The following AGFG1 variants were observed in gnomAD, a reference collection of about 807,000 sequenced individuals.
AGFG1 encodes arf-GAP domain and FG repeat-containing protein 1.
A neutral mutation model predicts 60.6 loss-of-function variants in AGFG1; 10 were observed. That is an observed-to-expected ratio of 0.16 (90% CI 0.10 to 0.28). The LOEUF is 0.28. Among genes scored for constraint, AGFG1 ranks in the 10% least tolerant of loss-of-function variants. The pLI, the probability that AGFG1 is intolerant of heterozygous loss-of-function variation, is 1.00. For synonymous variants in AGFG1, 247 were observed against 242.9 expected, an observed-to-expected ratio of 1.02 and a Z score of -0.16; for missense variants, 537 against 676.5, an observed-to-expected ratio of 0.79 and a Z score of 2.29.
At chr2:227,537,816 A>G (rs752553200) in intron 10 of AGFG1, among the ~76,000 whole-genome samples, 5 of 152,214 alleles carry the variant, frequency 3.3e-5, no homozygotes, top group Non-Finnish European at 4.4e-5. Flanking sequence ...AAATGTTGAT[A>G]TGAACTCTTG....
In AGFG1 at chr2:227,500,915, C is replaced by G. The variant is rs542005300; in HGVS notation, c.261+9275C>G. 2.6e-4 allele frequency among the ~76,000 whole-genome samples: 39 copies of G among 152,194 alleles called. 1 individual carries two copies. In the East Asian group the frequency reaches 5.6e-3, roughly 22 times the overall value. ...TCAAGTGATTCTCCTGCCTTAGCCT[C>G]CTGAGTAGCTGGGATTACAGGCGCT... On this transcript the variant is annotated intron_variant, in intron 2 of 12. Transcript: ENST00000310078.
At chr2:227,548,633 G>A (rs1321072966) in intron 10 of AGFG1, among the ~76,000 whole-genome samples, 2 of 152,192 alleles carry the variant, frequency 1.3e-5, no homozygotes, top group African/African-American at 4.8e-5. Flanking sequence ...AGCCTGTAAA[G>A]TGCTTTAAGA....
At chr2:227,554,406 T>G in intron 12 of AGFG1, 30 bp from the exon 13 acceptor site, 1 of 1,588,610 alleles carries the variant, frequency 6.3e-7, no homozygotes, top group Non-Finnish European at 8.6e-7. Flanking sequence ...CTTTTGTCTC[T>G]TTATTTATTT....
At chr2:227,534,520 A>G (rs1692252607) in intron 7 of AGFG1, among the ~76,000 whole-genome samples, 1 of 152,218 alleles carries the variant, frequency 6.6e-6, no homozygotes, top group Non-Finnish European at 1.5e-5. Flanking sequence ...ATGAATTTAT[A>G]TGTTCATGTG....
At chr2:227,516,409 T>C (rs916323494) in intron 2 of AGFG1, among the ~76,000 whole-genome samples, 24 of 152,308 alleles carry the variant, frequency 1.6e-4, no homozygotes, top group African/African-American at 5.5e-4. Context: ...GGTTAGGATT[T>C]TGATCTATAA....
rs1690948861 is a variant in AGFG1, at chr2:227,495,587, C to G, written c.261+3947C>G. ...AAATCTATAGTGATTTTCTGTATGT[C>G]CTCATTTGTGATGTCATGGGCAAAT... On this transcript the variant is annotated intron_variant, in intron 2 of 12. Coordinates refer to ENST00000310078, the MANE Select transcript of AGFG1 (RefSeq NM_004504.5). Among the ~76,000 whole-genome samples, 4 of 151,258 alleles carry G rather than the reference C, an allele frequency of 2.6e-5. No homozygotes were observed. The South Asian group carries it at 8.4e-4, about 32-fold the overall frequency.
At chr2:227,507,000 C>T (rs1442264462) in intron 2 of AGFG1, among the ~76,000 whole-genome samples, 3 of 151,956 alleles carry the variant, frequency 2.0e-5, no homozygotes, top group Non-Finnish European at 4.4e-5. Context: ...TTTTTTTAAT[C>T]AAAAACCACT....
At chr2:227,539,578 G>A (rs1309313520) in intron 10 of AGFG1, among the ~76,000 whole-genome samples, 3 of 151,452 alleles carry the variant, frequency 2.0e-5, no homozygotes, top group African/African-American at 4.9e-5. Flanking sequence ...GCAACATGGC[G>A]AACCCCGTTT....
chr2:227,491,567 A>G lies in AGFG1; in HGVS notation c.188A>G (p.His63Arg). The change falls in exon 2 of 13, where the codon CAC becomes CGC. Residue 63 changes from histidine (H) to arginine (R), a missense_variant. Physicochemically the swap from His to Arg is conservative, Grantham distance 29. Around this residue, in one of 4 missense-constraint regions of AGFG1, gnomAD observed 120 missense variants for 198.5 expected, o/e 0.60. Coordinates refer to ENST00000310078, the MANE Select transcript of AGFG1 (RefSeq NM_004504.5). The stretch of plus-strand genomic sequence containing the variant: ...TTTAGGCGAGGATTAAATCCACCAC[A>G]CAGGGTGAAATCTATCTCCATGACA... ...SGSLRGLNPP[H>R]RVKSISMTTF... The G allele has an allele frequency of 6.4e-7, 1 of 1,561,694 alleles. No individual in the cohort carries two copies.
chr2:227,533,251 A>G (rs1692214983), intron 6 of AGFG1, among the ~76,000 whole-genome samples: 1 of 150,518 alleles, frequency 6.6e-6, no homozygotes, highest in South Asian at 2.1e-4. Flanking sequence ...TGGACTAGAA[A>G]GTAACTGAAT....
intron 2 of AGFG1, among the ~76,000 whole-genome samples, chr2:227,497,584 TG>T (rs780091003): frequency 6.6e-6 from 1 of 152,104 alleles, no homozygotes; most frequent in Non-Finnish European, 1.5e-5. Flanking sequence ...AAATTTTTTT[TG>T]TTATTGCTCT....
chr2:227,501,872 T>A (rs761925640), intron 2 of AGFG1, among the ~76,000 whole-genome samples: 4 of 152,070 alleles, frequency 2.6e-5, no homozygotes, highest in Non-Finnish European at 5.9e-5. Context: ...TTTTTTATTT[T>A]TTTTGAGGTA....
intron 10 of AGFG1, among the ~76,000 whole-genome samples, chr2:227,545,622 A>G (rs1035209784): frequency 5.9e-5 from 9 of 152,226 alleles, no homozygotes; most frequent in Admixed American, 2.0e-4. Flanking sequence ...GTCTTTGATG[A>G]TGGTGACCTA....
chr2:227,523,712 T>A, intron 3 of AGFG1, 51 bp from the exon 4 acceptor site: 1 of 1,538,602 alleles, frequency 6.5e-7, no homozygotes, highest in Non-Finnish European at 8.9e-7. Flanking sequence ...CATTTTTTGA[T>A]ATAGAATTAC....
intron 1 of AGFG1, among the ~76,000 whole-genome samples, chr2:227,489,424 G>A (rs1168567028): frequency 6.6e-6 from 1 of 151,332 alleles, no homozygotes; most frequent in Non-Finnish European, 1.5e-5. Flanking sequence ...GTTTCACCAT[G>A]TTGGCCAGGC....
At chr2:227,482,929 A>G (rs1690513761) in intron 1 of AGFG1, among the ~76,000 whole-genome samples, 1 of 151,460 alleles carries the variant, frequency 6.6e-6, no homozygotes, top group African/African-American at 2.4e-5. Context: ...TCTTGAAACC[A>G]GTTAACTTGC....
intron 5 of AGFG1, among the ~76,000 whole-genome samples, chr2:227,526,122 T>C (rs1019246779): frequency 2.6e-5 from 4 of 152,176 alleles, no homozygotes; most frequent in African/African-American, 9.7e-5. Flanking sequence ...CTGTCATTAT[T>C]ATCCTTAGTA....
At chr2:227,546,101 T>C (rs1057076645) in intron 10 of AGFG1, among the ~76,000 whole-genome samples, 4 of 152,214 alleles carry the variant, frequency 2.6e-5, no homozygotes, top group African/African-American at 9.6e-5. Flanking sequence ...GTGGAGTCTA[T>C]AGAGGCAGGC....
At chr2:227,489,471 C>G (rs1690737944) in intron 1 of AGFG1, among the ~76,000 whole-genome samples, 1 of 152,040 alleles carries the variant, frequency 6.6e-6, no homozygotes, top group Non-Finnish European at 1.5e-5. Flanking sequence ...ATATGCCCAC[C>G]TTGGCCTCCC....
Sources: allele counts gnomAD v4.1 joint callset (sites outside exome capture counted in the v4.1 genomes callset), GRCh38; gene constraint gnomAD v4.1.1; regional missense constraint gnomAD v4.1.1; transcripts MANE v1.5; gene names NCBI Gene and HGNC (gene_info 2026-07-23, HGNC 2026-07-21).